CALCOCO2: variants seen among roughly 807,000 people sequenced by gnomAD.
CALCOCO2 encodes calcium-binding and coiled-coil domain-containing protein 2.
Under a neutral mutation model 62.5 loss-of-function variants are expected in CALCOCO2, and 42 were observed. That is an observed-to-expected ratio of 0.67 (90% CI 0.53 to 0.87). CALCOCO2 has a LOEUF of 0.87. Ranked by LOEUF, CALCOCO2 falls within the 40% of genes least tolerant of loss-of-function variation. The pLI, the probability that CALCOCO2 is intolerant of heterozygous loss-of-function variation, is 0.00. For synonymous variants in CALCOCO2, 167 were observed against 173.0 expected (o/e 0.97, Z 0.27); for missense variants, 456 against 515.0 (o/e 0.89, Z 1.11).
At position 48,858,051 on chromosome 17, in the gene CALCOCO2, G is replaced by GAA. The variant is rs1017571783; in HGVS notation, c.1008+1865_1008+1866dup. On this transcript the variant is annotated intron_variant, in intron 10 of 12. Coordinates refer to ENST00000258947, the MANE Select transcript of CALCOCO2 (RefSeq NM_005831.5). ...ATAGAATAGAATAGAATAGAAAATA[G>GAA]AATAGAATAGAATAGAATAGAATTT... Among the ~76,000 whole-genome samples the GAA allele has an allele frequency of 9.1e-5, 11 of 120,870 alleles. 1 individual carries two copies. The highest frequency in any genetic ancestry group is 3.3e-4 in the African/African-American group (11 of 33,058). 79.3% of individuals were successfully genotyped at this position (120,870 alleles called of 152,430 possible). A position where few individuals can be genotyped will look rare whatever the true frequency, so the allele number is the denominator to read the frequency against.
At chr17:48,842,852 G>A (rs1181603615) in intron 2 of CALCOCO2, among the ~76,000 whole-genome samples, 2 of 151,774 alleles carry the variant, frequency 1.3e-5, no homozygotes, top group Non-Finnish European at 2.9e-5. Flanking sequence ...TGTTGGTCAG[G>A]CTGGTCTTGA....
At chr17:48,844,237 A>G (rs975939751) in intron 2 of CALCOCO2, among the ~76,000 whole-genome samples, 1 of 152,208 alleles carries the variant, frequency 6.6e-6, no homozygotes, top group African/African-American at 2.4e-5. Context: ...AAATAGCTTC[A>G]TGTGGCTAGT....
chr17:48,846,077 C>T lies in CALCOCO2; in HGVS notation c.181-1987C>T, dbSNP rs2040049365. 9 of 1,442,314 alleles carry T rather than the reference C, an allele frequency of 6.2e-6. No homozygotes were observed. In the East Asian group the frequency reaches 2.0e-4, roughly 32 times the overall value. 89.3% of individuals were successfully genotyped at this position (1,442,314 alleles called of 1,614,324 possible). ...ATTCAACTCCTCATCACCCCAGACACTGGTAGTATCTGGCACCAGGTAGGT... is the reference window on the plus strand; with the variant it reads ...ATTCAACTCCTCATCACCCCAGACATTGGTAGTATCTGGCACCAGGTAGGT... On this transcript the variant is annotated intron_variant, in intron 2 of 12. Transcript: ENST00000258947.
chr17:48,861,341 C>G (rs1000169292), intron 11 of CALCOCO2, among the ~76,000 whole-genome samples: 4 of 152,062 alleles, frequency 2.6e-5, no homozygotes, highest in Admixed American at 2.0e-4. Context: ...CTCAGCCTAC[C>G]AAGTAGCAGA....
chr17:48,852,872 T>A lies in CALCOCO2; in HGVS notation c.826-54T>A, dbSNP rs1329891090. On this transcript the variant is annotated intron_variant, in intron 8 of 12. Transcript: ENST00000258947. ...GCTTAGCAGGCCCTTCCATGGTGTGTGTGTGCATGTGTGTGTTTTCCCAGC... is the reference window on the plus strand; with the variant it reads ...GCTTAGCAGGCCCTTCCATGGTGTGAGTGTGCATGTGTGTGTTTTCCCAGC... The A allele has an allele frequency of 2.3e-6, 3 of 1,296,620 alleles. No individual in the cohort carries two copies. The African/African-American group carries it at 4.4e-5, about 19-fold the overall frequency. The allele number at this position is 1,296,620 out of a possible 1,614,324, so 80.3% of individuals were successfully genotyped here. A position where few individuals can be genotyped will look rare whatever the true frequency, so the allele number is the denominator to read the frequency against.
intron 3 of CALCOCO2, 26 bp downstream of exon 3, chr17:48,848,192 G>A: frequency 6.5e-7 from 1 of 1,536,394 alleles, no homozygotes; most frequent in Non-Finnish European, 9.0e-7. Context: ...GATCAAAGGT[G>A]TTGAAGACAG....
intron 2 of CALCOCO2, among the ~76,000 whole-genome samples, chr17:48,843,460 T>G (rs954792924): frequency 1.4e-4 from 21 of 152,342 alleles, no homozygotes; most frequent in African/African-American, 4.6e-4. Flanking sequence ...CATTCTCAAC[T>G]GCACTGTGAA....
chr17:48,858,008 A>T (rs921972632), intron 10 of CALCOCO2, among the ~76,000 whole-genome samples: 5 of 18,976 alleles, frequency 2.6e-4, no homozygotes, highest in African/African-American at 4.0e-4. Context: ...AGAATAGAAT[A>T]GAATAGAATA....
intron 1 of CALCOCO2, among the ~76,000 whole-genome samples, chr17:48,839,793 A>T (rs1241879298): frequency 6.9e-6 from 1 of 144,338 alleles, no homozygotes; most frequent in African/African-American, 2.6e-5. Flanking sequence ...TTCCTGCCTC[A>T]GCCTCCCAAG....
chr17:48,849,799 T>A (rs2040102461), intron 5 of CALCOCO2, among the ~76,000 whole-genome samples: 1 of 151,976 alleles, frequency 6.6e-6, no homozygotes, highest in African/African-American at 2.4e-5. Flanking sequence ...CCACCGTCCC[T>A]GTCTGAATAT....
chr17:48,832,794 C>G (rs748083120), intron 1 of CALCOCO2, among the ~76,000 whole-genome samples: 6 of 152,208 alleles, frequency 3.9e-5, no homozygotes, highest in African/African-American at 1.4e-4. Flanking sequence ...GATTAGTACA[C>G]AGCTTTGAGC....
chr17:48,854,410 T>A (rs1334273424), intron 9 of CALCOCO2, among the ~76,000 whole-genome samples: 361 of 14,496 alleles, frequency 0.025, 29 homozygotes, highest in African/African-American at 0.064. Context: ...TTTTTTTTTT[T>A]TTTTTTTTTT....
chr17:48,838,311 G>C (rs1014536076), intron 1 of CALCOCO2, among the ~76,000 whole-genome samples: 4 of 152,056 alleles, frequency 2.6e-5, no homozygotes, highest in Non-Finnish European at 5.9e-5. Context: ...GTCAGGGGTC[G>C]ATCTTTAACT....
intron 1 of CALCOCO2, among the ~76,000 whole-genome samples, chr17:48,836,204 G>T (rs1173990504): frequency 6.6e-6 from 1 of 152,086 alleles, no homozygotes. Context: ...AATTTGATGG[G>T]TTCTTAAGGA....
chr17:48,839,622 T>C (rs2039947617), intron 1 of CALCOCO2: 3 of 150,954 alleles, frequency 2.0e-5, no homozygotes. Flanking sequence ...GTGTTGAGAT[T>C]ACAGGTGTAA....
intron 11 of CALCOCO2, among the ~76,000 whole-genome samples, chr17:48,861,526 A>G (rs2040325939): frequency 6.6e-6 from 1 of 151,802 alleles, no homozygotes; most frequent in Admixed American, 6.6e-5. Flanking sequence ...TACAGTCTTA[A>G]AACCTATTCT....
At chr17:48,834,106 CAAAAAAAAAAAA>C (rs59633969) in intron 1 of CALCOCO2, among the ~76,000 whole-genome samples, 21 of 69,790 alleles carry the variant, frequency 3.0e-4, no homozygotes, top group East Asian at 1.0e-3. Context: ...GACCCTATGT[CAAAAAAAAAAAA>C]AAAAAAAAAA....
intron 10 of CALCOCO2, chr17:48,856,549 C>G (rs1010002539): frequency 4.4e-6 from 2 of 457,262 alleles, no homozygotes; most frequent in Non-Finnish European, 8.8e-6. Context: ...TTCAGCACAA[C>G]TTTTTCCTTT....
At chr17:48,849,607 G>A (rs2040099487) in intron 5 of CALCOCO2, among the ~76,000 whole-genome samples, 1 of 152,076 alleles carries the variant, frequency 6.6e-6, no homozygotes, top group Non-Finnish European at 1.5e-5. Flanking sequence ...CCAGGTTCAA[G>A]CGATTCTCCT....
Sources: gnomAD v4.1 joint callset for allele counts (sites outside exome capture counted in the v4.1 genomes callset) on GRCh38, gnomAD v4.1.1 for gene constraint, MANE v1.5 for transcripts, NCBI Gene and HGNC (gene_info 2026-07-23, HGNC 2026-07-21) for gene names.